Variants in VAV2 observed in about 807,000 individuals in gnomAD.
VAV2 encodes the protein vav guanine nucleotide exchange factor 2.
Under a neutral mutation model 132.5 loss-of-function variants are expected in VAV2, and 67 were observed. That is an observed-to-expected ratio of 0.51 (90% CI 0.42 to 0.62). The LOEUF (loss-of-function observed/expected upper bound fraction) is 0.62, where lower values mean the gene tolerates loss of function less well. Among genes scored for constraint, VAV2 ranks in the 20% least tolerant of loss-of-function variants. The pLI is 0.00. For synonymous variants in VAV2, 492 were observed against 443.5 expected, an observed-to-expected ratio of 1.11 and a Z score of -1.37; for missense variants, 938 against 1,153.6, an observed-to-expected ratio of 0.81 and a Z score of 2.71.
At chr9:133,880,302 A>T (rs1361685462) in intron 2 of VAV2, among the ~76,000 whole-genome samples, 1 of 152,192 alleles carries the variant, frequency 6.6e-6, no homozygotes, top group East Asian at 1.9e-4. Context: ...GAAGCAGCTG[A>T]GCTGAGAGGG....
intron 9 of VAV2, among the ~76,000 whole-genome samples, chr9:133,799,224 G>C (rs1834837715): frequency 1.3e-5 from 2 of 152,214 alleles, no homozygotes; most frequent in South Asian, 4.1e-4. Flanking sequence ...TTTGGAGCTG[G>C]CTCAGGCACA....
rs1838394516 is a variant in VAV2, at chr9:133,879,331, G to T, written c.322-17899C>A. 1.3e-5 allele frequency among the ~76,000 whole-genome samples: 2 copies of T among 152,060 alleles called. No homozygotes were observed. The highest frequency in any genetic ancestry group is 4.8e-5 in the African/African-American group (2 of 41,396). On this transcript the variant is annotated intron_variant, in intron 2 of 29. Coordinates refer to ENST00000371850, the MANE Select transcript of VAV2 (RefSeq NM_001134398.2). The surrounding 1 kb of genome is among the most constrained non-coding windows in gnomAD (Gnocchi z 4.4). ...CAGCAGGGTGTGATCAATGCCGCAG[G>T]GTAAAGAACAGAGCAGCTGGGAAGC...
chr9:133,933,906 A>G (rs535110939), intron 2 of VAV2, among the ~76,000 whole-genome samples: 13 of 135,096 alleles, frequency 9.6e-5, no homozygotes, highest in African/African-American at 2.7e-4. Flanking sequence ...GGATGGGTGG[A>G]TGGATGGATG....
chr9:133,877,910 A>G (rs80264110), intron 2 of VAV2, among the ~76,000 whole-genome samples: 3,139 of 152,308 alleles, frequency 0.021, 105 homozygotes, highest in African/African-American at 0.072. Context: ...GCGTTAACAC[A>G]GGACAGGAAG....
chr9:133,767,591 C>T (rs1230281889), intron 29 of VAV2, among the ~76,000 whole-genome samples: 2 of 152,190 alleles, frequency 1.3e-5, no homozygotes, highest in African/African-American at 4.8e-5. Flanking sequence ...GCTACCTAAG[C>T]CTCAGTAGCC....
intron 1 of VAV2, among the ~76,000 whole-genome samples, chr9:133,976,748 G>C (rs1445549809): frequency 6.6e-6 from 1 of 152,222 alleles, no homozygotes; most frequent in African/African-American, 2.4e-5. Flanking sequence ...TTGTCTTTCA[G>C]GCCTGGCTTC....
At chr9:133,911,492 T>C (rs1055552248) in intron 2 of VAV2, among the ~76,000 whole-genome samples, 6 of 152,342 alleles carry the variant, frequency 3.9e-5, no homozygotes, top group Middle Eastern at 3.4e-3. Context: ...GAGAGTGTCA[T>C]GTCCTTATTT....
At chr9:133,766,559 T>A (rs1833437962) in intron 29 of VAV2, among the ~76,000 whole-genome samples, 1 of 150,112 alleles carries the variant, frequency 6.7e-6, no homozygotes, top group African/African-American at 2.5e-5. Flanking sequence ...CTCTCATAGG[T>A]GGGAACTGAA....
intron 4 of VAV2, among the ~76,000 whole-genome samples, chr9:133,821,573 G>A (rs774086705): frequency 1.3e-5 from 2 of 152,180 alleles, no homozygotes; most frequent in Non-Finnish European, 2.9e-5. Flanking sequence ...GAAAGGAGGG[G>A]CTCATTCAAT....
Position 133,914,519 on chromosome 9 carries a change from G to A in VAV2, c.321+24584C>T, listed in dbSNP as rs371492669. ...GATGCAGACTCAAAGGGCGCGCAGCGTGTGACTCTGGTGACCAAGGGCAGT... is the reference window on the plus strand; with the variant it reads ...GATGCAGACTCAAAGGGCGCGCAGCATGTGACTCTGGTGACCAAGGGCAGT... On this transcript the variant is annotated intron_variant, in intron 2 of 29. Coordinates refer to ENST00000371850, the MANE Select transcript of VAV2 (RefSeq NM_001134398.2). 2.7e-5 allele frequency among the ~76,000 whole-genome samples: 4 copies of A among 147,170 alleles called. No individual in the cohort carries two copies. The East Asian group carries it at 6.1e-4, about 22-fold the overall frequency.
intron 4 of VAV2, among the ~76,000 whole-genome samples, chr9:133,813,813 T>C (rs1835450214): frequency 6.6e-6 from 1 of 152,164 alleles, no homozygotes; most frequent in South Asian, 2.1e-4. Context: ...CAACCAGCAT[T>C]CAAAGAGCCA....
Position 133,774,868 on chromosome 9 carries a change from G to A in VAV2, c.2135+67C>T, listed in dbSNP as rs1234480185. 8.0e-6 allele frequency: 11 copies of A among 1,380,852 alleles called. No individual in the cohort carries two copies. In the East Asian group the frequency reaches 2.3e-4, roughly 29 times the overall value. 85.5% of individuals were successfully genotyped at this position (1,380,852 alleles called of 1,614,324 possible). On this transcript the variant is annotated intron_variant, in intron 25 of 29. Transcript: ENST00000371850. Reference sequence around the variant, plus strand: ...CCCCACGAGCTCAGGACGTGGAGAGGATGGTGCTCTCCACTTCAGAACGGC... The same window carrying A: ...CCCCACGAGCTCAGGACGTGGAGAGAATGGTGCTCTCCACTTCAGAACGGC...
At chr9:133,839,303 AGATGGATGAGTG>A (rs1166737537) in intron 3 of VAV2, among the ~76,000 whole-genome samples, 1 of 151,262 alleles carries the variant, frequency 6.6e-6, no homozygotes, top group Non-Finnish European at 1.5e-5. Context: ...GCTGACAGAC[AGATGGATGAGTG>A]GATGGATGAA....
intron 2 of VAV2, among the ~76,000 whole-genome samples, chr9:133,880,452 C>T (rs901021030): frequency 3.9e-5 from 6 of 152,064 alleles, no homozygotes; most frequent in Admixed American, 2.6e-4. Flanking sequence ...TGGATCTGAC[C>T]GATGGTTTTA....
rs562785091 is a variant in VAV2, at chr9:133,962,940, C to G, written c.205-23721G>C. The stretch of plus-strand genomic sequence containing the variant: ...ATGGCTGCTAAAAGTCTTCTTTTTC[C>G]AGAGCAAATTTTGCAAATCTCAATT... On this transcript the variant is annotated intron_variant, in intron 1 of 29. Transcript: ENST00000371850. Among the ~76,000 whole-genome samples, 77 of 152,264 alleles carry G rather than the reference C, an allele frequency of 5.1e-4. 1 individual carries two copies. In the South Asian group the frequency reaches 0.016, roughly 31 times the overall value.
In VAV2 at chr9:133,919,817, C is replaced by T. The variant is rs893736584; in HGVS notation, c.321+19286G>A. ...AGATGGAAGGTCCCCGCTGCCCCGA[C>T]TGTCCCTGCCGCCCCGGCCACCCCT... On this transcript the variant is annotated intron_variant, in intron 2 of 29. Transcript: ENST00000371850. This position sits in a 1 kb window ranked among gnomAD's most constrained non-coding sequence, Gnocchi z 5.8. Among the ~76,000 whole-genome samples the T allele has an allele frequency of 5.3e-5, 8 of 152,176 alleles. No homozygotes were observed. Among genetic ancestry groups the T allele is most frequent in the Admixed American group, 1.3e-4 (2 of 15,286 alleles).
rs150412711 is a variant in VAV2, at chr9:133,824,416, G to A, written c.449+9856C>T. Among the ~76,000 whole-genome samples, 857 of 149,014 alleles carry A rather than the reference G, an allele frequency of 5.8e-3. 2 individuals carry two copies. Among genetic ancestry groups the A allele is most frequent in the Non-Finnish European group, 9.9e-3 (668 of 67,414 alleles). On this transcript the variant is annotated intron_variant, in intron 4 of 29. Coordinates refer to ENST00000371850, the MANE Select transcript of VAV2 (RefSeq NM_001134398.2). The surrounding 1 kb of genome is among the most constrained non-coding windows in gnomAD (Gnocchi z 5.2). Reference sequence around the variant, plus strand: ...CAGCCCAAAACGGCCCTCAGTTCCCGAGAACAGACATAGAAGAGACCCAGC... The same window carrying A: ...CAGCCCAAAACGGCCCTCAGTTCCCAAGAACAGACATAGAAGAGACCCAGC...
At chr9:133,876,028 G>A (rs1413916657) in intron 2 of VAV2, among the ~76,000 whole-genome samples, 3 of 152,230 alleles carry the variant, frequency 2.0e-5, no homozygotes, top group East Asian at 3.9e-4. Context: ...GACGCTCGTC[G>A]TTCTCAGGCC....
At chr9:133,786,583 C>T (rs1834235089) in intron 16 of VAV2, among the ~76,000 whole-genome samples, 1 of 152,230 alleles carries the variant, frequency 6.6e-6, no homozygotes, top group African/African-American at 2.4e-5. Context: ...AAATGTGATG[C>T]TAAAAAAACC....
Sources: gnomAD v4.1 joint callset for allele counts (sites outside exome capture counted in the v4.1 genomes callset) on GRCh38, gnomAD v4.1.1 for gene constraint, Gnocchi (gnomAD v3.1) non-coding constraint, MANE v1.5 for transcripts, NCBI Gene and HGNC (gene_info 2026-07-23, HGNC 2026-07-21) for gene names.